Variants in PPA1 observed in about 807,000 individuals in gnomAD.
PPA1 encodes inorganic pyrophosphatase.
A neutral mutation model predicts 41.8 loss-of-function variants in PPA1; 23 were observed. The ratio of observed to expected loss-of-function variants is 0.55; its 90% CI spans 0.40 to 0.78. The LOEUF (loss-of-function observed/expected upper bound fraction) is 0.78, where lower values mean the gene tolerates loss of function less well. PPA1 is among the 30% of genes least tolerant of loss of function. PPA1 has a pLI of 0.00. For missense variants in PPA1, 320 were observed against 361.6 expected, an observed-to-expected ratio of 0.89 and a Z score of 0.93; for synonymous variants, 101 against 116.8, an observed-to-expected ratio of 0.86 and a Z score of 0.87.
intron 8 of PPA1, among the ~76,000 whole-genome samples, chr10:70,206,879 GGGGAGGGGAGGGGAGGGGAGGAGAGGAC>G (rs1564580255): frequency 3.8e-4 from 28 of 74,028 alleles, no homozygotes; most frequent in East Asian, 9.9e-4. Context: ...GGGGAGGGGA[GGGGAGGGGAGGGGAGGGGAGGAGAGGAC>G]GAAAGAAACT....
At chr10:70,216,946 G>T (rs976789662) in intron 4 of PPA1, among the ~76,000 whole-genome samples, 3 of 152,102 alleles carry the variant, frequency 2.0e-5, no homozygotes, top group Non-Finnish European at 4.4e-5. Flanking sequence ...AAGGCAGGCG[G>T]ATCACAGGTC....
intron 10 of PPA1, among the ~76,000 whole-genome samples, chr10:70,203,414 T>A (rs78083379): frequency 6.6e-6 from 1 of 152,124 alleles, no homozygotes; most frequent in African/African-American, 2.4e-5. Context: ...CTTTTTTTTT[T>A]AATTTCGAGA....
intron 6 of PPA1, chr10:70,209,895 T>C (rs1236108503): frequency 7.4e-6 from 4 of 542,316 alleles, no homozygotes; most frequent in East Asian, 3.5e-5. Context: ...CATACACATA[T>C]ACATTGAAAG....
At chr10:70,219,164 A>C (rs1375692880) in intron 2 of PPA1, among the ~76,000 whole-genome samples, 1 of 152,064 alleles carries the variant, frequency 6.6e-6, no homozygotes, top group Non-Finnish European at 1.5e-5. Flanking sequence ...CCACCTCCCA[A>C]AGTGCTAGGA....
rs1589888478 is a variant in PPA1, at chr10:70,203,117, G to A, written c.*38C>T. Reference sequence around the variant, plus strand: ...ACTTCTAATACATCCAGATGAACACGATGTAGCAATATCAGCTTGTATTCC... The same window carrying A: ...ACTTCTAATACATCCAGATGAACACAATGTAGCAATATCAGCTTGTATTCC... On this transcript the variant is annotated 3_prime_UTR_variant, in exon 11 of 11. Transcript: ENST00000373232. 7.6e-6 allele frequency: 12 copies of A among 1,579,930 alleles called. No individual in the cohort carries two copies. Among genetic ancestry groups the A allele is most frequent in the South Asian group, 4.4e-5 (4 of 90,224 alleles).
At position 70,206,829 on chromosome 10, in the gene PPA1, C is replaced by A. The variant is rs571141012; in HGVS notation, c.726-496G>T. Among the ~76,000 whole-genome samples the A allele has an allele frequency of 1.9e-4, 22 of 118,540 alleles. No homozygotes were observed. The South Asian group carries it at 5.3e-3, about 28-fold the overall frequency. The allele number at this position is 118,540 out of a possible 152,430, so 77.8% of individuals were successfully genotyped here. On this transcript the variant is annotated intron_variant, in intron 8 of 10. Transcript: ENST00000373232. Reference sequence around the variant, plus strand: ...ACTGCACTCCAGCCTGGTGACAGAGCAAGACTGCGTTGCAATAAGGAGGAG... The same window carrying A: ...ACTGCACTCCAGCCTGGTGACAGAGAAAGACTGCGTTGCAATAAGGAGGAG...
At chr10:70,217,774 C>T (rs1840094983) in intron 4 of PPA1, 38 bp downstream of exon 4, 2 of 1,462,668 alleles carry the variant, frequency 1.4e-6, no homozygotes, top group East Asian at 4.7e-5. Flanking sequence ...ATTTAGTAAG[C>T]TAAAAAGTAC....
chr10:70,211,319 C>T (rs1840017147), intron 6 of PPA1, among the ~76,000 whole-genome samples: 1 of 152,120 alleles, frequency 6.6e-6, no homozygotes. Context: ...ACTGAGTGCT[C>T]AGTAATTCAC....
In PPA1 at chr10:70,209,627, A is replaced by G; in HGVS notation, c.570T>C (p.Phe190=). 1 of 1,607,744 alleles carries G rather than the reference A, an allele frequency of 6.2e-7. No homozygotes were observed. The highest frequency in any genetic ancestry group is 8.5e-7 in the Non-Finnish European group (1 of 1,176,628). ...PGYLEATVDW[F]RRYKVPDGKP... Reference sequence around the variant, plus strand: ...TTCCATCAGGAACCTTATACCTTCTAAACCAGTCCACAGTAGCTTCTAAGT... The same window carrying G: ...TTCCATCAGGAACCTTATACCTTCTGAACCAGTCCACAGTAGCTTCTAAGT... The change falls in exon 7 of 11, where the codon TTT becomes TTC. Residue 190 remains phenylalanine (F), a synonymous_variant. Transcript: ENST00000373232.
chr10:70,209,155 T>G (rs1157194887), intron 8 of PPA1, 50 bp downstream of exon 8: 1 of 1,343,218 alleles, frequency 7.4e-7, no homozygotes, highest in East Asian at 2.3e-5. Flanking sequence ...AAACCTTTTC[T>G]GCAAGCTGGT....
chr10:70,206,056 ATGAT>A lies in PPA1; in HGVS notation c.795+204_795+207del, dbSNP rs544801140. 4.5e-4 allele frequency: 250 copies of A among 557,774 alleles called. 1 individual carries two copies. The South Asian group carries it at 5.6e-3, about 13-fold the overall frequency. The allele number at this position is 557,774 out of a possible 1,614,324, so 34.6% of individuals were successfully genotyped here. ...TACTACCATGCTATCTGTCCAACTT[ATGAT>A]TGATTAGAATCACTCCCTCAGCTTC... is the stretch of plus-strand genomic sequence containing the variant. On this transcript the variant is annotated intron_variant, in intron 9 of 10. Transcript: ENST00000373232.
chr10:70,206,611 T>A (rs1195901707), intron 8 of PPA1, among the ~76,000 whole-genome samples: 1 of 151,762 alleles, frequency 6.6e-6, no homozygotes, highest in Non-Finnish European at 1.5e-5. Context: ...TTTGGGAGGC[T>A]GAGGCAGGCG....
At chr10:70,219,067 T>G (rs1284112697) in intron 2 of PPA1, among the ~76,000 whole-genome samples, 1 of 152,162 alleles carries the variant, frequency 6.6e-6, no homozygotes, top group African/African-American at 2.4e-5. Context: ...TAATTTTTAT[T>G]TACTTCTAAA....
Position 70,215,096 on chromosome 10 carries a change from G to C in PPA1, c.298-510C>G, listed in dbSNP as rs183970280. Among the ~76,000 whole-genome samples, 21 of 152,342 alleles carry C rather than the reference G, an allele frequency of 1.4e-4. No homozygotes were observed. The East Asian group carries it at 4.1e-3, about 29-fold the overall frequency. ...TGTAATCCCAGCTACTTGGGAGGCT[G>C]AGGCAGGAGAATCGCTTGAACCCAG... On this transcript the variant is annotated intron_variant, in intron 4 of 10. Coordinates refer to ENST00000373232, the MANE Select transcript of PPA1 (RefSeq NM_021129.4).
chr10:70,210,465 T>G, intron 6 of PPA1: 1 of 1,352,962 alleles, frequency 7.4e-7, no homozygotes, highest in Non-Finnish European at 9.9e-7. Flanking sequence ...ATTGATGGGT[T>G]ACGTATTAAA....
intron 7 of PPA1, 29 bp downstream of exon 7, chr10:70,209,529 T>C: frequency 6.4e-7 from 1 of 1,572,700 alleles, no homozygotes; most frequent in Non-Finnish European, 8.6e-7. Context: ...CAAATGAGCC[T>C]AAAGCTACAG....
chr10:70,222,740 T>C (rs1413915927), intron 2 of PPA1, among the ~76,000 whole-genome samples: 1 of 152,192 alleles, frequency 6.6e-6, no homozygotes, highest in Non-Finnish European at 1.5e-5. Context: ...GTTTGTTACA[T>C]ATGTATACAT....
chr10:70,206,977 A>G (rs1293841643), intron 8 of PPA1, among the ~76,000 whole-genome samples: 3 of 151,484 alleles, frequency 2.0e-5, no homozygotes, highest in Non-Finnish European at 4.4e-5. Context: ...TGAGAAACAT[A>G]TCTTTCTTAA....
At position 70,210,653 on chromosome 10, in the gene PPA1, C is replaced by T. The variant is rs1840006980; in HGVS notation, c.512-968G>A. On this transcript the variant is annotated intron_variant, in intron 6 of 10. Coordinates refer to ENST00000373232, the MANE Select transcript of PPA1 (RefSeq NM_021129.4). Reference sequence around the variant, plus strand: ...CAAACTCCTGCTCAATGCAAGCAAACAGAGATACACATCCTAAAAAGTCAG... The same window carrying T: ...CAAACTCCTGCTCAATGCAAGCAAATAGAGATACACATCCTAAAAAGTCAG... 2.0e-5 allele frequency among the ~76,000 whole-genome samples: 3 copies of T among 152,084 alleles called. No homozygotes were observed. The East Asian group carries it at 5.8e-4, about 29-fold the overall frequency.
Sources: allele counts gnomAD v4.1 joint callset (sites outside exome capture counted in the v4.1 genomes callset), GRCh38; gene constraint gnomAD v4.1.1; transcripts MANE v1.5; gene names NCBI Gene and HGNC (gene_info 2026-07-23, HGNC 2026-07-21).